Variants in MTFR1L observed in about 807,000 individuals in gnomAD.
MTFR1L encodes the protein mitochondrial fission regulator 1 like.
In MTFR1L, 10 loss-of-function variants were observed where a neutral mutation model predicts 27.9. The ratio of observed to expected loss-of-function variants is 0.36; its 90% CI spans 0.22 to 0.61. MTFR1L has a LOEUF of 0.61. MTFR1L is among the 20% of genes least tolerant of loss of function. The pLI, the probability that MTFR1L is intolerant of heterozygous loss-of-function variation, is 0.73. For synonymous variants in MTFR1L, 151 were observed against 139.4 expected, an observed-to-expected ratio of 1.08 and a Z score of -0.58; for missense variants, 315 against 363.7, an observed-to-expected ratio of 0.87 and a Z score of 1.09.
Position 25,832,392 on chromosome 1 carries a change from G to C in MTFR1L, c.*366G>C, listed in dbSNP as rs2048257213. 1.0e-4 allele frequency: 48 copies of C among 472,630 alleles called. 2 individuals carry two copies. The South Asian group carries it at 1.1e-3, about 11-fold the overall frequency. The allele number at this position is 472,630 out of a possible 1,614,324, so 29.3% of individuals were successfully genotyped here. On this transcript the variant is annotated 3_prime_UTR_variant, in exon 7 of 7. Transcript: ENST00000374303. ...TATAGCTGGTCTCACAAGACACTTT[G>C]TGCCCAGCTGTCACTCACTCAGCAG...
chr1:25,829,909 A>T, intron 6 of MTFR1L, 79 bp downstream of exon 6: 1 of 1,222,296 alleles, frequency 8.2e-7, no homozygotes. Context: ...ACATACTTAC[A>T]TAGTAAGTTC....
chr1:25,819,982 TGGA>T lies in MTFR1L; in HGVS notation c.-133_-131del, dbSNP rs2048063069. Reference sequence around the variant, plus strand: ...GCGGTTGAGGCTGGGCGGCCCAAGGTGGAAGGAGGGGCCGTGAGGTGAGAGAGT... The same window carrying T: ...GCGGTTGAGGCTGGGCGGCCCAAGGTAGGAGGGGCCGTGAGGTGAGAGAGT... On this transcript the variant is annotated 5_prime_UTR_variant, in exon 1 of 7. Transcript: ENST00000374303. The T allele has an allele frequency of 3.0e-6, 1 of 328,284 alleles. No individual in the cohort carries two copies. Among genetic ancestry groups the T allele is most frequent in the South Asian group, 2.2e-5 (1 of 44,946 alleles). 20.3% of individuals were successfully genotyped at this position (328,284 alleles called of 1,614,324 possible).
Position 25,832,207 on chromosome 1 carries a change from C to T in MTFR1L, c.*181C>T, listed in dbSNP as rs772316363. 11 of 1,521,274 alleles carry T rather than the reference C, an allele frequency of 7.2e-6. 1 individual carries two copies. In the South Asian group the frequency reaches 1.3e-4, roughly 18 times the overall value. 94.2% of individuals were successfully genotyped at this position (1,521,274 alleles called of 1,614,324 possible). ...ATATTTCCCAGACTTCAAACCCTAGCAGAAGCTAAGGCTTGTGATTTGACC... is the reference window on the plus strand; with the variant it reads ...ATATTTCCCAGACTTCAAACCCTAGTAGAAGCTAAGGCTTGTGATTTGACC... On this transcript the variant is annotated 3_prime_UTR_variant, in exon 7 of 7. Transcript: ENST00000374303.
At chr1:25,828,380 C>T (rs1368451356) in intron 5 of MTFR1L, among the ~76,000 whole-genome samples, 5 of 152,100 alleles carry the variant, frequency 3.3e-5, no homozygotes, top group East Asian at 1.9e-4. Flanking sequence ...GTCAGGAGTT[C>T]GAGACCAGCC....
intron 3 of MTFR1L, among the ~76,000 whole-genome samples, chr1:25,824,419 C>T (rs946965171): frequency 6.6e-6 from 1 of 152,112 alleles, no homozygotes; most frequent in African/African-American, 2.4e-5. Flanking sequence ...AAGCACCAGC[C>T]CCAAACTATA....
At position 25,823,438 on chromosome 1, in the gene MTFR1L, A is replaced by C. The variant is rs980773287; in HGVS notation, c.25-206A>C. On this transcript the variant is annotated intron_variant, in intron 2 of 6. Transcript: ENST00000374303. ...CAACATTGACTGCCTTAGCAGCAGCAGGTATTCCCTTGGGTGGCTGGCCAG... is the reference window on the plus strand; with the variant it reads ...CAACATTGACTGCCTTAGCAGCAGCCGGTATTCCCTTGGGTGGCTGGCCAG... The C allele has an allele frequency of 3.8e-6, 3 of 783,426 alleles. No homozygotes were observed. In the Admixed American group the frequency reaches 6.0e-5, roughly 16 times the overall value. 48.5% of individuals were successfully genotyped at this position (783,426 alleles called of 1,614,324 possible).
In MTFR1L at chr1:25,829,817, C is replaced by G. The variant is rs1557445210; in HGVS notation, c.760C>G (p.Gln254Glu). The G allele has an allele frequency of 1.2e-6, 2 of 1,600,776 alleles. No homozygotes were observed. Among genetic ancestry groups the G allele is most frequent in the South Asian group, 2.2e-5 (2 of 90,956 alleles). ...GILKDFHRMK[Q>E]SQDLNRSLLK... ...CCTGAAGGACTTTCACCGAATGAAA[C>G]AGAGTCAAGATCTGTAAGTATCTGA... is the stretch of plus-strand genomic sequence containing the variant. The change falls in exon 6 of 7, where the codon CAG becomes GAG. Residue 254 changes from glutamine to glutamate, a missense_variant. By Grantham distance (29) the Gln-to-Glu change is conservative (BLOSUM62 2). Coordinates refer to ENST00000374303, the MANE Select transcript of MTFR1L (RefSeq NM_001099625.2).
At chr1:25,829,412 A>C in intron 5 of MTFR1L, 97 bp from the exon 6 acceptor site, 1 of 1,125,814 alleles carries the variant, frequency 8.9e-7, no homozygotes, top group South Asian at 1.5e-5. Flanking sequence ...GTGTCAGCCC[A>C]GGAAATGAAT....
At chr1:25,821,223 G>A (rs1282694970) in intron 1 of MTFR1L, among the ~76,000 whole-genome samples, 1 of 152,240 alleles carries the variant, frequency 6.6e-6, no homozygotes, top group Non-Finnish European at 1.5e-5. Context: ...GTTTGGGAAG[G>A]ATTCCTCTGG....
chr1:25,825,611 A>G (rs2048157172), intron 3 of MTFR1L: 1 of 152,230 alleles, frequency 6.6e-6, no homozygotes, highest in Non-Finnish European at 1.5e-5. Flanking sequence ...AGGTTTGTTT[A>G]AAACAGCATT....
chr1:25,829,963 A>C, intron 6 of MTFR1L, 133 bp downstream of exon 6: 1 of 970,608 alleles, frequency 1.0e-6, no homozygotes, highest in Non-Finnish European at 1.5e-6. Context: ...CTTGCTGACT[A>C]CCTGCTTGCC....
At position 25,832,093 on chromosome 1, in the gene MTFR1L, G is replaced by A. The variant is rs757518015; in HGVS notation, c.*67G>A. On this transcript the variant is annotated 3_prime_UTR_variant, in exon 7 of 7. Coordinates refer to ENST00000374303, the MANE Select transcript of MTFR1L (RefSeq NM_001099625.2). ...ACCTTCAATAGCTGCCTTCCTCACC[G>A]CAGATGTTTCTGCCTCTTAAGGATA... 17 of 1,611,776 alleles carry A rather than the reference G, an allele frequency of 1.1e-5. No individual in the cohort carries two copies. The highest frequency in any genetic ancestry group is 2.2e-5 in the South Asian group (2 of 90,972).
At chr1:25,831,673 A>ATAGAT (rs766599240) in intron 6 of MTFR1L, among the ~76,000 whole-genome samples, 47 of 151,918 alleles carry the variant, frequency 3.1e-4, no homozygotes, top group Non-Finnish European at 4.7e-4. Flanking sequence ...ATTCTAGTTA[A>ATAGAT]TAGATGAGAT....
chr1:25,822,726 CTG>C, intron 1 of MTFR1L: 1 of 481,564 alleles, frequency 2.1e-6, no homozygotes, highest in Non-Finnish European at 3.6e-6. Context: ...CAGGGCTTCA[CTG>C]TGTTAGCCAG....
At chr1:25,822,992 C>G (rs2048117334) in intron 1 of MTFR1L, 27 bp from the exon 2 acceptor site, 4 of 1,595,746 alleles carry the variant, frequency 2.5e-6, no homozygotes, top group Non-Finnish European at 2.6e-6. Flanking sequence ...GGTTGTTTCA[C>G]AAGAGGGAAA....
chr1:25,820,099 CG>C (rs2048065687), intron 1 of MTFR1L, 70 bp downstream of exon 1: 1 of 438,208 alleles, frequency 2.3e-6, no homozygotes, highest in African/African-American at 2.1e-5. Context: ...ACTGGGTCTA[CG>C]TGCCGGGCGC....
intron 1 of MTFR1L, 36 bp downstream of exon 1, chr1:25,820,065 C>T (rs1295448913): frequency 2.5e-5 from 10 of 406,052 alleles, no homozygotes; most frequent in Non-Finnish European, 9.6e-6. Context: ...GAGGCGGGAG[C>T]GCGACCTTCC....
intron 5 of MTFR1L, among the ~76,000 whole-genome samples, chr1:25,827,239 G>A (rs1008515797): frequency 2.0e-5 from 3 of 151,858 alleles, no homozygotes; most frequent in African/African-American, 7.3e-5. Context: ...AGGTGCAAGC[G>A]ATTCTCCTGC....
chr1:25,829,680 C>T lies in MTFR1L; in HGVS notation c.623C>T (p.Ser208Phe). The change falls in exon 6 of 7, where the codon TCT becomes TTT. Residue 208 changes from serine (S) to phenylalanine (F), a missense_variant. Transcript: ENST00000374303. ...CTTCCATCAGTCCCCCTGCTTTGTT[C>T]TGCCAGCCCTGAATGTTGCAAACCA... ...PELPSVPLLC[S>F]ASPECCKPEH... The T allele has an allele frequency of 1.2e-6, 2 of 1,614,204 alleles. No individual in the cohort carries two copies. The highest frequency in any genetic ancestry group is 1.7e-6 in the Non-Finnish European group (2 of 1,180,048).
Sources: gnomAD v4.1 joint callset for allele counts (sites outside exome capture counted in the v4.1 genomes callset) on GRCh38, gnomAD v4.1.1 for gene constraint, MANE v1.5 for transcripts, NCBI Gene and HGNC (gene_info 2026-07-23, HGNC 2026-07-21) for gene names.